DERA: variants seen among roughly 807,000 people sequenced by gnomAD.
The protein encoded by DERA is 2-deoxy-D-ribose 5-phosphate aldolase.
Under a neutral mutation model 41.1 loss-of-function variants are expected in DERA, and 15 were observed. The observed-to-expected ratio is 0.37, with a 90% CI of 0.24 to 0.56. The LOEUF is 0.56. DERA is among the 20% of genes least tolerant of loss of function. The pLI, the probability that DERA is intolerant of heterozygous loss-of-function variation, is 0.81. For missense variants in DERA, 396 were observed against 403.4 expected (o/e 0.98, Z 0.16); for synonymous variants, 139 against 137.4 (o/e 1.01, Z -0.08).
Position 15,921,338 on chromosome 12 carries a change from A to G in DERA, c.31+9924A>G, listed in dbSNP as rs1030011287. 6.6e-6 allele frequency among the ~76,000 whole-genome samples: 1 copy of G among 152,212 alleles called. No individual in the cohort carries two copies. Among genetic ancestry groups the G allele is most frequent in the Non-Finnish European group, 1.5e-5 (1 of 68,040 alleles). ...GATGATTTTGGAAATTGACATAAGGATATCTTCTCTGTGGTCTCAGAGACT... is the reference window on the plus strand; with the variant it reads ...GATGATTTTGGAAATTGACATAAGGGTATCTTCTCTGTGGTCTCAGAGACT... On this transcript the variant is annotated intron_variant, in intron 1 of 8. Coordinates refer to ENST00000428559, the MANE Select transcript of DERA (RefSeq NM_015954.4). The surrounding 1 kb of genome is among the most constrained non-coding windows in gnomAD (Gnocchi z 5.3).
chr12:16,007,632 A>T (rs1948921031), intron 6 of DERA, among the ~76,000 whole-genome samples: 1 of 152,208 alleles, frequency 6.6e-6, no homozygotes, highest in Non-Finnish European at 1.5e-5. Flanking sequence ...TTAGTGAGGC[A>T]GGCATGGCTC....
intron 1 of DERA, among the ~76,000 whole-genome samples, chr12:15,948,964 C>T (rs1395789108): frequency 2.0e-5 from 3 of 152,222 alleles, no homozygotes; most frequent in African/African-American, 4.8e-5. Context: ...TGGAGGTCCA[C>T]TCCAGACCCT....
rs1948627811 is a variant in DERA at position 15,967,009 on chromosome 12, A to G, written c.508+4062A>G. On this transcript the variant is annotated intron_variant, in intron 5 of 8. Coordinates refer to ENST00000428559, the MANE Select transcript of DERA (RefSeq NM_015954.4). This position sits in a 1 kb window ranked among gnomAD's most constrained non-coding sequence, Gnocchi z 4.9. ...CATTTACATATAAGTAGACATTCAA[A>G]TATCACTGACCCTTGACAAAATCAG... Among the ~76,000 whole-genome samples, 1 of 152,116 alleles carries G rather than the reference A, an allele frequency of 6.6e-6. No homozygotes were observed. Among genetic ancestry groups the G allele is most frequent in the Non-Finnish European group, 1.5e-5 (1 of 68,030 alleles).
At chr12:15,961,778 C>T (rs980695046) in intron 4 of DERA, among the ~76,000 whole-genome samples, 1 of 152,188 alleles carries the variant, frequency 6.6e-6, no homozygotes, top group Non-Finnish European at 1.5e-5. Flanking sequence ...GAGTCTCGCT[C>T]TATCACCCAG....
rs1948760363 is a variant in DERA, at chr12:15,985,818, A to G, written c.637+3382A>G. 1.3e-5 allele frequency among the ~76,000 whole-genome samples: 2 copies of G among 152,156 alleles called. No individual in the cohort carries two copies. Among genetic ancestry groups the G allele is most frequent in the South Asian group, 4.1e-4 (2 of 4,836 alleles). On this transcript the variant is annotated intron_variant, in intron 6 of 8. Coordinates refer to ENST00000428559, the MANE Select transcript of DERA (RefSeq NM_015954.4). This position sits in a 1 kb window ranked among gnomAD's most constrained non-coding sequence, Gnocchi z 4.2. ...ATGGTTGTATTTAGTTATATGCTTC[A>G]AGTGCACTTAAAAGAATGTGTATTT...
Position 16,009,440 on chromosome 12 carries a change from A to C in DERA, c.638-23102A>C, listed in dbSNP as rs114537521. Reference sequence around the variant, plus strand: ...TTTAGTTTCCATGTATTAAATACAAAAAATTGGGCCAAGTCAACCCAGAAA... The same window carrying C: ...TTTAGTTTCCATGTATTAAATACAACAAATTGGGCCAAGTCAACCCAGAAA... On this transcript the variant is annotated intron_variant, in intron 6 of 8. Coordinates refer to ENST00000428559, the MANE Select transcript of DERA (RefSeq NM_015954.4). The surrounding 1 kb of genome is among the most constrained non-coding windows in gnomAD (Gnocchi z 5.3). Among the ~76,000 whole-genome samples, 1,272 of 152,290 alleles carry C rather than the reference A, an allele frequency of 8.4e-3. 19 individuals carry two copies. The highest frequency in any genetic ancestry group is 0.03 in the African/African-American group (1,226 of 41,554).
rs1341313443 is a variant in DERA at position 15,935,734 on chromosome 12, T to G, written c.32-21202T>G. On this transcript the variant is annotated intron_variant, in intron 1 of 8. Transcript: ENST00000428559. This position sits in a 1 kb window ranked among gnomAD's most constrained non-coding sequence, Gnocchi z 4.8. ...TTCATATTGGTTTCTATATGTTGTT[T>G]GTTGTTGTGTAATATATTACTCCAA... Among the ~76,000 whole-genome samples the G allele has an allele frequency of 6.6e-6, 1 of 152,222 alleles. No homozygotes were observed. The highest frequency in any genetic ancestry group is 2.4e-5 in the African/African-American group (1 of 41,460).
chr12:16,016,918 A>G (rs1387303964), intron 6 of DERA, among the ~76,000 whole-genome samples: 1 of 152,076 alleles, frequency 6.6e-6, no homozygotes, highest in Non-Finnish European at 1.5e-5. Context: ...GAACACCTTA[A>G]GTTTTAAAAG....
In DERA at chr12:16,008,060, C is replaced by T. The variant is rs1302134249; in HGVS notation, c.638-24482C>T. 6.6e-6 allele frequency among the ~76,000 whole-genome samples: 1 copy of T among 152,148 alleles called. No individual in the cohort carries two copies. The highest frequency in any genetic ancestry group is 1.5e-5 in the Non-Finnish European group (1 of 68,024). ...TAGAGACAGAGTTTTGCCCTGTTGGCCTGGCTGGTCTTGAACTCGTGGCCT... is the reference window on the plus strand; with the variant it reads ...TAGAGACAGAGTTTTGCCCTGTTGGTCTGGCTGGTCTTGAACTCGTGGCCT... On this transcript the variant is annotated intron_variant, in intron 6 of 8. Transcript: ENST00000428559. This position sits in a 1 kb window ranked among gnomAD's most constrained non-coding sequence, Gnocchi z 4.8.
intron 6 of DERA, among the ~76,000 whole-genome samples, chr12:16,002,803 T>C (rs1355345700): frequency 2.6e-5 from 4 of 152,180 alleles, no homozygotes; most frequent in Non-Finnish European, 4.4e-5. Flanking sequence ...AATGTTGATC[T>C]CTTAGACCCA....
chr12:15,966,421 G>A lies in DERA; in HGVS notation c.508+3474G>A, dbSNP rs144843063. ...AGAGGTTGCAGGGAGCCAAGATTGCGCCACTGCACTGCAACCTGAGGGACA... is the reference window on the plus strand; with the variant it reads ...AGAGGTTGCAGGGAGCCAAGATTGCACCACTGCACTGCAACCTGAGGGACA... On this transcript the variant is annotated intron_variant, in intron 5 of 8. Coordinates refer to ENST00000428559, the MANE Select transcript of DERA (RefSeq NM_015954.4). The surrounding 1 kb of genome is among the most constrained non-coding windows in gnomAD (Gnocchi z 5.1). Among the ~76,000 whole-genome samples the A allele has an allele frequency of 2.4e-3, 360 of 151,058 alleles. 2 individuals carry two copies. The highest frequency in any genetic ancestry group is 8.3e-3 in the African/African-American group (339 of 41,066).
chr12:15,948,342 A>G (rs1004647594), intron 1 of DERA, among the ~76,000 whole-genome samples: 3 of 152,282 alleles, frequency 2.0e-5, no homozygotes, highest in South Asian at 2.1e-4. Context: ...AGGTACACCA[A>G]TCAGGTGTAG....
At chr12:16,005,309 G>A (rs1305900921) in intron 6 of DERA, among the ~76,000 whole-genome samples, 7 of 152,050 alleles carry the variant, frequency 4.6e-5, no homozygotes, top group Non-Finnish European at 1.0e-4. Context: ...AGCAGGGCAC[G>A]GTAAGGCGCA....
chr12:15,945,669 C>A (rs979982939), intron 1 of DERA, among the ~76,000 whole-genome samples: 20 of 152,192 alleles, frequency 1.3e-4, no homozygotes, highest in African/African-American at 4.8e-4. Context: ...GTGTCATCTG[C>A]AAACAGGTAC....
Position 16,010,705 on chromosome 12 carries a change from A to G in DERA, c.638-21837A>G, listed in dbSNP as rs577803228. Among the ~76,000 whole-genome samples the G allele has an allele frequency of 8.5e-4, 129 of 152,262 alleles. 1 individual carries two copies. Among genetic ancestry groups the G allele is most frequent in the Middle Eastern group, 6.8e-3 (2 of 294 alleles). On this transcript the variant is annotated intron_variant, in intron 6 of 8. Transcript: ENST00000428559. This position sits in a 1 kb window ranked among gnomAD's most constrained non-coding sequence, Gnocchi z 5.5. Reference sequence around the variant, plus strand: ...CCTAGATGGCCAACCCCAGGGTTCCATATAGTAAATGCTTTCCATTCAGGG... The same window carrying G: ...CCTAGATGGCCAACCCCAGGGTTCCGTATAGTAAATGCTTTCCATTCAGGG...
In DERA at chr12:15,935,766, G is replaced by A. The variant is rs563840581; in HGVS notation, c.32-21170G>A. On this transcript the variant is annotated intron_variant, in intron 1 of 8. Coordinates refer to ENST00000428559, the MANE Select transcript of DERA (RefSeq NM_015954.4). This position sits in a 1 kb window ranked among gnomAD's most constrained non-coding sequence, Gnocchi z 4.8. ...GTGTAATATATTACTCCAAAATTTA[G>A]GGGCCTGAAACAATAAGCATTTATT... Among the ~76,000 whole-genome samples, 1 of 152,168 alleles carries A rather than the reference G, an allele frequency of 6.6e-6. No individual in the cohort carries two copies. The highest frequency in any genetic ancestry group is 2.1e-4 in the South Asian group (1 of 4,816).
In DERA at chr12:16,003,895, AG is replaced by A. The variant is rs1948892346; in HGVS notation, c.637+21461del. On this transcript the variant is annotated intron_variant, in intron 6 of 8. Coordinates refer to ENST00000428559, the MANE Select transcript of DERA (RefSeq NM_015954.4). The surrounding 1 kb of genome is among the most constrained non-coding windows in gnomAD (Gnocchi z 4.8). ...TTCATCCCAACCTGGAAGAGGAGAG[AG>A]GTGTTCTGGGTTGTAGAGCTAGCCA... Among the ~76,000 whole-genome samples, 1 of 152,096 alleles carries A rather than the reference AG, an allele frequency of 6.6e-6. No homozygotes were observed. The highest frequency in any genetic ancestry group is 2.4e-5 in the African/African-American group (1 of 41,396).
chr12:15,962,769 T>TC (rs1948596760), intron 4 of DERA, 44 bp from the exon 5 acceptor site: 1 of 1,500,474 alleles, frequency 6.7e-7, no homozygotes, highest in African/African-American at 1.4e-5. Context: ...CTTTCTTTCT[T>TC]CCCTCCTTCC....
chr12:15,963,024 G>A, intron 5 of DERA, 77 bp downstream of exon 5: 1 of 1,518,652 alleles, frequency 6.6e-7, no homozygotes, highest in Non-Finnish European at 8.9e-7. Flanking sequence ...GATGTGGTAT[G>A]TTTTAGAGGT....
Sources: gnomAD v4.1 joint callset for allele counts (sites outside exome capture counted in the v4.1 genomes callset) on GRCh38, gnomAD v4.1.1 for gene constraint, Gnocchi (gnomAD v3.1) non-coding constraint, MANE v1.5 for transcripts, NCBI Gene and HGNC (gene_info 2026-07-23, HGNC 2026-07-21) for gene names.